EPS15L1: variants seen among roughly 807,000 people sequenced by gnomAD.
The protein encoded by EPS15L1 is epidermal growth factor receptor substrate 15-like 1.
A neutral mutation model predicts 117.1 loss-of-function variants in EPS15L1; 43 were observed. The ratio of observed to expected loss-of-function variants is 0.37; its 90% CI spans 0.29 to 0.47. EPS15L1 has a LOEUF of 0.47. Among genes scored for constraint, EPS15L1 ranks in the 20% least tolerant of loss-of-function variants. The probability of loss-of-function intolerance (pLI) is 0.99; values close to 1 mark genes in which losing one functional copy is unlikely to be tolerated. For synonymous variants in EPS15L1, 459 were observed against 470.5 expected, an observed-to-expected ratio of 0.98 and a Z score of 0.32; for missense variants, 981 against 1,164.0, an observed-to-expected ratio of 0.84 and a Z score of 2.29.
intron 23 of EPS15L1, chr19:16,357,305 TA>T (rs2091994205): frequency 1.3e-5 from 2 of 152,126 alleles, no homozygotes; most frequent in Admixed American, 6.6e-5. Context: ...AGCAGGATAC[TA>T]GGTGAAACTG....
chr19:16,431,598 G>C (rs2092928334), intron 7 of EPS15L1, among the ~76,000 whole-genome samples: 1 of 152,084 alleles, frequency 6.6e-6, no homozygotes, highest in South Asian at 2.1e-4. Flanking sequence ...CACCGTACCG[G>C]GCCAGAAGGA....
In EPS15L1 at chr19:16,403,745, G is replaced by A. The variant is rs764018439; in HGVS notation, c.1614C>T (p.Asp538=). ...TIIKSLKSTQ[D]EINQARSKLS... Reference sequence around the variant, plus strand: ...CTCCGTGAAGTACCTGGTTGATTTCGTCTTGCGTTGACTTCAGGGACTTGA... The same window carrying A: ...CTCCGTGAAGTACCTGGTTGATTTCATCTTGCGTTGACTTCAGGGACTTGA... Residue 538 remains aspartate, a synonymous_variant, in exon 15 of 24, where the codon GAC becomes GAT. Transcript: ENST00000455140. 6.8e-6 allele frequency: 11 copies of A among 1,612,696 alleles called. No homozygotes were observed. Among genetic ancestry groups the A allele is most frequent in the African/African-American group, 5.3e-5 (4 of 74,906 alleles).
intron 6 of EPS15L1, chr19:16,436,668 A>G (rs1190656771): frequency 2.5e-6 from 1 of 392,900 alleles, no homozygotes; most frequent in Non-Finnish European, 4.6e-6. Context: ...CAGCCCTTTA[A>G]TAATCCAACT....
intron 7 of EPS15L1, among the ~76,000 whole-genome samples, chr19:16,432,857 C>T (rs2092942881): frequency 6.6e-6 from 1 of 152,188 alleles, no homozygotes; most frequent in African/African-American, 2.4e-5. Flanking sequence ...GGCTGGAGTG[C>T]CATGGCACGA....
intron 16 of EPS15L1, chr19:16,401,131 C>T (rs932152823): frequency 9.1e-6 from 9 of 985,100 alleles, no homozygotes; most frequent in South Asian, 9.4e-5. Flanking sequence ...GGCCCGGGGG[C>T]GGCTATGGAA....
At chr19:16,382,535 A>T (rs957005608) in intron 21 of EPS15L1, among the ~76,000 whole-genome samples, 8 of 152,232 alleles carry the variant, frequency 5.3e-5, no homozygotes, top group African/African-American at 1.9e-4. Context: ...ATTTGTAAAC[A>T]GCAGCCCTAA....
intron 19 of EPS15L1, among the ~76,000 whole-genome samples, chr19:16,389,150 A>AG (rs1391860127): frequency 1.4e-4 from 21 of 151,992 alleles, no homozygotes; most frequent in Middle Eastern, 3.4e-3. Context: ...TTGGAAAAAA[A>AG]AAAAGAAAAG....
Position 16,355,852 on chromosome 19 carries a change from C to A in EPS15L1, c.2587-1G>T. 6.5e-7 allele frequency: 1 copy of A among 1,535,582 alleles called. No individual in the cohort carries two copies. Among genetic ancestry groups the A allele is most frequent in the Non-Finnish European group, 8.7e-7 (1 of 1,146,454 alleles). ...CCAGCTGCTGCTCCTCATTGCCAAA[C>A]TGCAAAGGAAAAACGGAGAGTGGGT... is the stretch of plus-strand genomic sequence containing the variant. On this transcript the variant is annotated splice_acceptor_variant, in intron 23 of 23. Transcript: ENST00000455140. LOFTEE classifies it high-confidence loss of function.
intron 4 of EPS15L1, among the ~76,000 whole-genome samples, chr19:16,439,067 T>A (rs1351007919): frequency 1.3e-5 from 2 of 149,832 alleles, no homozygotes; most frequent in African/African-American, 4.9e-5. Context: ...TAGCTTGTTT[T>A]TTTTCTGTTT....
chr19:16,419,321 T>C (rs976067673), intron 10 of EPS15L1, among the ~76,000 whole-genome samples: 9 of 152,224 alleles, frequency 5.9e-5, no homozygotes, highest in African/African-American at 1.7e-4. Flanking sequence ...TAGCCGGGCA[T>C]GGTGGCGCGC....
At chr19:16,440,350 T>G in intron 4 of EPS15L1, among the ~76,000 whole-genome samples, 1 of 149,716 alleles carries the variant, frequency 6.7e-6, no homozygotes, top group Non-Finnish European at 1.5e-5. Context: ...GGGGAATCAC[T>G]TGATCCTGGG....
rs533389774 is a variant in EPS15L1, at chr19:16,371,627, G to A, written c.2380+5495C>T. Among the ~76,000 whole-genome samples the A allele has an allele frequency of 5.0e-4, 76 of 152,296 alleles. 1 individual carries two copies. In the South Asian group the frequency reaches 7.0e-3, roughly 14 times the overall value. On this transcript the variant is annotated intron_variant, in intron 22 of 23. Transcript: ENST00000455140. This position sits in a 1 kb window ranked among gnomAD's most constrained non-coding sequence, Gnocchi z 4.7. ...TAGAACTGCGCTGGCTGGTGTCACCGGGCGCTGCAGGCAGGAACCGCAACG... is the reference window on the plus strand; with the variant it reads ...TAGAACTGCGCTGGCTGGTGTCACCAGGCGCTGCAGGCAGGAACCGCAACG...
chr19:16,412,778 G>A (rs60365066), intron 13 of EPS15L1: 24,279 of 400,322 alleles, frequency 0.061, 1,807 homozygotes, highest in East Asian at 0.25. Context: ...GGAGGTTTCA[G>A]CAGTGGCATC....
chr19:16,443,768 G>A (rs887292023), intron 1 of EPS15L1, among the ~76,000 whole-genome samples: 10 of 151,598 alleles, frequency 6.6e-5, no homozygotes, highest in Non-Finnish European at 1.2e-4. Flanking sequence ...TCTGGGGGAC[G>A]CCAACACCTG....
chr19:16,417,580 T>C lies in EPS15L1; in HGVS notation c.1165A>G (p.Ile389Val), dbSNP rs761343550. The change falls in exon 12 of 24, where the codon ATC (isoleucine) becomes GTC (valine). Residue 389 changes from isoleucine (I) to valine (V), a missense_variant. Physicochemically the swap from Ile to Val is conservative, Grantham distance 29 (BLOSUM62 3). This residue lies in a region of EPS15L1 where 819 missense variants were observed against 949.0 expected (regional missense o/e 0.86). Coordinates refer to ENST00000455140, the MANE Select transcript of EPS15L1 (RefSeq NM_001258374.3). ...TGTAACTGGGCAATCTCTTGACTGATGTCATCAAGCTCCTTCACGCCAGTA... is the reference window on the plus strand; with the variant it reads ...TGTAACTGGGCAATCTCTTGACTGACGTCATCAAGCTCCTTCACGCCAGTA... Reference protein sequence around the residue: ...EFTGVKELDDISQEIAQLQRE... With the variant: ...EFTGVKELDDVSQEIAQLQRE... The C allele has an allele frequency of 6.2e-7, 1 of 1,614,058 alleles. No homozygotes were observed.
chr19:16,393,240 A>G (rs1025399895), intron 18 of EPS15L1, among the ~76,000 whole-genome samples: 1 of 151,850 alleles, frequency 6.6e-6, no homozygotes, highest in Non-Finnish European at 1.5e-5. Flanking sequence ...GGGGGATGAG[A>G]ATGTTGTGGA....
chr19:16,388,749 C>T (rs1229846139), intron 19 of EPS15L1, among the ~76,000 whole-genome samples: 1 of 152,030 alleles, frequency 6.6e-6, no homozygotes, highest in Non-Finnish European at 1.5e-5. Context: ...ATGGCGTGAA[C>T]CCGGGAGGCG....
intron 4 of EPS15L1, among the ~76,000 whole-genome samples, chr19:16,438,151 G>A (rs1191553270): frequency 1.3e-5 from 2 of 152,076 alleles, no homozygotes; most frequent in African/African-American, 4.8e-5. Flanking sequence ...TCAGGAGTTC[G>A]AGACCAGCCT....
At position 16,404,571 on chromosome 19, in the gene EPS15L1, AGGT is replaced by A. The variant is rs1405755163; in HGVS notation, c.1428+14_1428+16del. The A allele has an allele frequency of 6.2e-7, 1 of 1,613,634 alleles. No homozygotes were observed. Among genetic ancestry groups the A allele is most frequent in the Admixed American group, 1.7e-5 (1 of 59,984 alleles). ...GCCTGTGCATAGGGCGCTGCCCCGG[AGGT>A]GGCCGGGACCCACCATCTGAGTCTC... On this transcript the variant is annotated intron_variant, in intron 14 of 23. Coordinates refer to ENST00000455140, the MANE Select transcript of EPS15L1 (RefSeq NM_001258374.3). This position sits in a 1 kb window ranked among gnomAD's most constrained non-coding sequence, Gnocchi z 4.2.
Sources: gnomAD v4.1 joint callset for allele counts (sites outside exome capture counted in the v4.1 genomes callset) on GRCh38, gnomAD v4.1.1 for gene constraint, gnomAD v4.1.1 regional missense constraint, Gnocchi (gnomAD v3.1) non-coding constraint, MANE v1.5 for transcripts, NCBI Gene and HGNC (gene_info 2026-07-23, HGNC 2026-07-21) for gene names.